The following MYO1B variants were observed in gnomAD, a reference collection of about 807,000 sequenced individuals.
MYO1B encodes myosin IB.
MYO1B carries 72 observed loss-of-function variants against 159.7 expected under a neutral mutation model. The ratio of observed to expected loss-of-function variants is 0.45; its 90% CI spans 0.37 to 0.55. The LOEUF (loss-of-function observed/expected upper bound fraction) is 0.55. Among genes scored for constraint, MYO1B ranks in the 20% least tolerant of loss-of-function variants. The pLI, the probability that MYO1B is intolerant of heterozygous loss-of-function variation, is 0.00. For missense variants in MYO1B, 1,062 were observed against 1,364.8 expected, an observed-to-expected ratio of 0.78 and a Z score of 3.50; for synonymous variants, 468 against 473.8, an observed-to-expected ratio of 0.99 and a Z score of 0.16.
intron 25 of MYO1B, among the ~76,000 whole-genome samples, chr2:191,408,437 C>T (rs1697062099): frequency 6.6e-6 from 1 of 152,064 alleles, no homozygotes; most frequent in East Asian, 1.9e-4. Flanking sequence ...CCTTATTTGA[C>T]AAGAGAGAAC....
chr2:191,330,951 G>A (rs1334148544), intron 4 of MYO1B, among the ~76,000 whole-genome samples: 1 of 152,144 alleles, frequency 6.6e-6, no homozygotes, highest in Non-Finnish European at 1.5e-5. Context: ...TCTGCCATAG[G>A]TGTTGAGTCA....
At chr2:191,307,326 T>G (rs145938656) in intron 3 of MYO1B, among the ~76,000 whole-genome samples, 33 of 152,262 alleles carry the variant, frequency 2.2e-4, no homozygotes, top group African/African-American at 7.9e-4. Context: ...TCTAGCATGC[T>G]AAAGCATTAT....
intron 2 of MYO1B, among the ~76,000 whole-genome samples, chr2:191,279,694 T>C (rs1687941807): frequency 6.6e-6 from 1 of 152,180 alleles, no homozygotes; most frequent in South Asian, 2.1e-4. Flanking sequence ...TAAGTTAATA[T>C]GACATGGAAC....
chr2:191,377,179 T>C (rs1694764077), intron 13 of MYO1B, among the ~76,000 whole-genome samples: 1 of 152,182 alleles, frequency 6.6e-6, no homozygotes, highest in Non-Finnish European at 1.5e-5. Context: ...TTGGTAACTA[T>C]AGTGTGAAAT....
At chr2:191,261,506 G>A (rs1420755206) in intron 1 of MYO1B, among the ~76,000 whole-genome samples, 4 of 152,172 alleles carry the variant, frequency 2.6e-5, no homozygotes, top group Admixed American at 2.6e-4. Flanking sequence ...CTGTGTGTCC[G>A]TTGTGGATCA....
chr2:191,424,146 C>G lies in MYO1B; in HGVS notation c.*186C>G, dbSNP rs142222149. 1 of 664,654 alleles carries G rather than the reference C, an allele frequency of 1.5e-6. No individual in the cohort carries two copies. Among genetic ancestry groups the G allele is most frequent in the Non-Finnish European group, 2.5e-6 (1 of 398,388 alleles). 41.2% of individuals were successfully genotyped at this position (664,654 alleles called of 1,614,324 possible). A position where few individuals can be genotyped will look rare whatever the true frequency, so the allele number is the denominator to read the frequency against. On this transcript the variant is annotated 3_prime_UTR_variant, in exon 31 of 31. Coordinates refer to ENST00000392318, the MANE Select transcript of MYO1B (RefSeq NM_001130158.3). ...AGTTTTAACCTTTCAAATACATGTT[C>G]TGTCCTGGAGCAGGATTGTAGAAAC...
chr2:191,300,450 TCTC>T (rs1689248293), intron 3 of MYO1B, among the ~76,000 whole-genome samples: 2 of 151,304 alleles, frequency 1.3e-5, no homozygotes, highest in African/African-American at 4.9e-5. Flanking sequence ...TTCAAGCAAT[TCTC>T]CTGCCTCAGC....
chr2:191,259,798 G>A (rs771077323), intron 1 of MYO1B, among the ~76,000 whole-genome samples: 3 of 152,142 alleles, frequency 2.0e-5, no homozygotes, highest in Non-Finnish European at 4.4e-5. Flanking sequence ...CTAGTTTCTG[G>A]CTTGTGTGAT....
chr2:191,261,920 A>G (rs540648148), intron 1 of MYO1B, among the ~76,000 whole-genome samples: 2 of 152,308 alleles, frequency 1.3e-5, no homozygotes, highest in Non-Finnish European at 2.9e-5. Context: ...TTGTTTAGGT[A>G]TGTATCATTT....
chr2:191,393,020 T>G, intron 19 of MYO1B, 53 bp from the exon 20 acceptor site: 1 of 1,546,310 alleles, frequency 6.5e-7, no homozygotes, highest in Admixed American at 1.8e-5. Context: ...CTTTCCTGTA[T>G]GCTGTGAGGT....
chr2:191,261,796 A>G (rs1686827064), intron 1 of MYO1B, among the ~76,000 whole-genome samples: 1 of 152,166 alleles, frequency 6.6e-6, no homozygotes, highest in South Asian at 2.1e-4. Flanking sequence ...GGGATGGTTT[A>G]TAGAAGAAAG....
At chr2:191,273,912 A>G (rs917403645) in intron 1 of MYO1B, among the ~76,000 whole-genome samples, 8 of 152,218 alleles carry the variant, frequency 5.3e-5, no homozygotes, top group African/African-American at 1.9e-4. Flanking sequence ...CAGAGAAAAA[A>G]ACAAATGGAT....
At chr2:191,422,378 G>C (rs993151454) in intron 30 of MYO1B, among the ~76,000 whole-genome samples, 1 of 152,024 alleles carries the variant, frequency 6.6e-6, no homozygotes, top group South Asian at 2.1e-4. Context: ...GGGGTTCCTC[G>C]CAGCACCAGC....
rs183194411 is a variant in MYO1B, at chr2:191,279,693, A to G, written c.135+2663A>G. Among the ~76,000 whole-genome samples the G allele has an allele frequency of 2.0e-5, 3 of 152,200 alleles. No homozygotes were observed. The East Asian group carries it at 5.8e-4, about 29-fold the overall frequency. Reference sequence around the variant, plus strand: ...GCTTGATGCCCAAGGCTAAGTTAATATGACATGGAACATTTTACTGTCTTC... The same window carrying G: ...GCTTGATGCCCAAGGCTAAGTTAATGTGACATGGAACATTTTACTGTCTTC... On this transcript the variant is annotated intron_variant, in intron 2 of 30. Coordinates refer to ENST00000392318, the MANE Select transcript of MYO1B (RefSeq NM_001130158.3).
intron 13 of MYO1B, among the ~76,000 whole-genome samples, chr2:191,374,384 C>T (rs1374649831): frequency 6.6e-6 from 1 of 152,142 alleles, no homozygotes; most frequent in African/African-American, 2.4e-5. Context: ...AAGAGTTCTG[C>T]CTTTTAGAAT....
chr2:191,344,626 C>G (rs182335974), intron 5 of MYO1B, among the ~76,000 whole-genome samples: 1 of 151,702 alleles, frequency 6.6e-6, no homozygotes, highest in East Asian at 1.9e-4. Flanking sequence ...GTCAGGAGAT[C>G]GAGACCATCC....
At chr2:191,315,179 CCAT>C (rs1437508548) in intron 3 of MYO1B, among the ~76,000 whole-genome samples, 3 of 151,992 alleles carry the variant, frequency 2.0e-5, no homozygotes, top group African/African-American at 7.3e-5. Flanking sequence ...ATCCATCCAT[CCAT>C]CCATCCATCC....
intron 13 of MYO1B, among the ~76,000 whole-genome samples, chr2:191,372,613 A>G (rs1192509131): frequency 1.3e-5 from 2 of 152,172 alleles, no homozygotes; most frequent in Admixed American, 6.5e-5. Flanking sequence ...TCAGGAAACT[A>G]TATTACGTTT....
intron 13 of MYO1B, among the ~76,000 whole-genome samples, chr2:191,374,013 T>C (rs1694542877): frequency 6.6e-6 from 1 of 152,136 alleles, no homozygotes. Context: ...TGGTTGGGGA[T>C]TTTTAGGTAC....
Sources: gnomAD v4.1 joint callset for allele counts (sites outside exome capture counted in the v4.1 genomes callset) on GRCh38, gnomAD v4.1.1 for gene constraint, MANE v1.5 for transcripts, NCBI Gene and HGNC (gene_info 2026-07-23, HGNC 2026-07-21) for gene names.